The following ANK2 variants were observed in gnomAD, a reference collection of about 807,000 sequenced individuals.
ANK2 encodes ankyrin-2.
ANK2 carries 83 observed loss-of-function variants against 360.5 expected under a neutral mutation model. The ratio of observed to expected loss-of-function variants is 0.23; its 90% CI spans 0.19 to 0.28. ANK2 has a LOEUF of 0.28. ANK2 is among the 10% of genes least tolerant of loss of function. ANK2 has a pLI of 1.00. For synonymous variants in ANK2, 1,740 were observed against 1,759.5 expected, an observed-to-expected ratio of 0.99 and a Z score of 0.28; for missense variants, 4,201 against 4,795.7, an observed-to-expected ratio of 0.88 and a Z score of 3.66.
At chr4:113,228,623 C>T (rs2099253528) in intron 4 of ANK2, among the ~76,000 whole-genome samples, 1 of 151,958 alleles carries the variant, frequency 6.6e-6, no homozygotes, top group African/African-American at 2.4e-5. Context: ...ATTTTTGCAA[C>T]TGTGAATTGT....
intron 2 of ANK2, among the ~76,000 whole-genome samples, chr4:112,997,845 A>C (rs920814251): frequency 6.6e-6 from 1 of 151,430 alleles, no homozygotes; most frequent in African/African-American, 2.4e-5. Flanking sequence ...TGACATATAT[A>C]TATACACACA....
the ANK2 span, among the ~76,000 whole-genome samples, chr4:112,740,756 G>T: frequency 1.3e-5 from 2 of 151,736 alleles, no homozygotes; most frequent in African/African-American, 4.9e-5. Flanking sequence ...GCTTACGTCC[G>T]TAATCCCAGC....
chr4:112,840,513 G>A lies in ANK2; in HGVS notation c.-40+22249G>A, dbSNP rs112568771. ...GATTCTGGGTTAGGTTGGGAGTGCTGGATGCGGGGATAAGGGCCACAGGCT... is the reference window on the plus strand; with the variant it reads ...GATTCTGGGTTAGGTTGGGAGTGCTAGATGCGGGGATAAGGGCCACAGGCT... On this transcript the variant is annotated intron_variant, in intron 1 of 30. Transcript: ENST00000503271. 5.4e-3 allele frequency among the ~76,000 whole-genome samples: 821 copies of A among 152,274 alleles called. 5 individuals are homozygous for A. The highest frequency in any genetic ancestry group is 0.019 in the African/African-American group (773 of 41,552).
chr4:113,320,159 C>A (rs910742275), intron 26 of ANK2, among the ~76,000 whole-genome samples: 1 of 152,162 alleles, frequency 6.6e-6, no homozygotes, highest in African/African-American at 2.4e-5. Flanking sequence ...CAACTAGATA[C>A]ACCTATAAGT....
chr4:112,752,162 G>A, the ANK2 span, among the ~76,000 whole-genome samples: 3 of 152,302 alleles, frequency 2.0e-5, no homozygotes, highest in East Asian at 5.8e-4. Context: ...CACTGTGTTA[G>A]GAGGCTCACT....
At chr4:113,232,427 A>G (rs2099319576) in intron 5 of ANK2, among the ~76,000 whole-genome samples, 168 bp downstream of exon 5, 1 of 152,232 alleles carries the variant, frequency 6.6e-6, no homozygotes, top group Non-Finnish European at 1.5e-5. Flanking sequence ...GCTTGTGCAC[A>G]GAGTTCCATC....
intron 1 of ANK2, among the ~76,000 whole-genome samples, chr4:112,842,149 A>G (rs1294309221): frequency 6.6e-6 from 1 of 151,988 alleles, no homozygotes; most frequent in Non-Finnish European, 1.5e-5. Context: ...AGCTGGAATT[A>G]CAGGCGCCCA....
At chr4:113,220,963 A>G (rs1193413587) in intron 4 of ANK2, among the ~76,000 whole-genome samples, 3 of 152,270 alleles carry the variant, frequency 2.0e-5, no homozygotes, top group Non-Finnish European at 4.4e-5. Context: ...CACGAAGTGT[A>G]TAGGCTACAC....
intron 1 of ANK2, among the ~76,000 whole-genome samples, chr4:113,163,491 A>G (rs2097619677): frequency 6.6e-6 from 1 of 151,818 alleles, no homozygotes. Context: ...TTGGCCGGGC[A>G]CGGTGGCTCA....
In ANK2 at chr4:113,198,912, C is replaced by A. The variant is rs930041195; in HGVS notation, c.286-99C>A. ...ATCTTGATAAATAACAAATTTTAAT[C>A]GGTTAAAGTGATTAGTGAAGTTGAA... On this transcript the variant is annotated intron_variant, in intron 3 of 45. Transcript: ENST00000357077. 22 of 957,122 alleles carry A rather than the reference C, an allele frequency of 2.3e-5. No homozygotes were observed. The East Asian group carries it at 3.0e-4, about 13-fold the overall frequency. 59.3% of individuals were successfully genotyped at this position (957,122 alleles called of 1,614,324 possible). A position where few individuals can be genotyped will look rare whatever the true frequency, so the allele number is the denominator to read the frequency against.
intron 1 of ANK2, among the ~76,000 whole-genome samples, chr4:113,092,521 GA>G (rs1310322015): frequency 6.6e-6 from 1 of 152,228 alleles, no homozygotes; most frequent in Non-Finnish European, 1.5e-5. Context: ...ACTAATGTCT[GA>G]GAAGCATTGG....
Position 113,356,755 on chromosome 4 carries a change from G to T in ANK2, c.8137G>T (p.Val2713Phe), listed in dbSNP as rs774978146. ...SSPEEVQFQPVVSKQYTFKMN... is the reference protein window; with the variant it reads ...SSPEEVQFQPFVSKQYTFKMN... ...TCCAGAAGAAGTACAATTCCAGCCT[G>T]TCGTTTCCAAACAATATACTTTCAA... Residue 2713 changes from valine (V) to phenylalanine (F), a missense_variant, in exon 38 of 46, where the codon GTC becomes TTC. By Grantham distance (50) the Val-to-Phe change is conservative. Coordinates refer to ENST00000357077, the MANE Select transcript of ANK2 (RefSeq NM_001148.6). The T allele has an allele frequency of 8.7e-6, 14 of 1,614,106 alleles. No individual in the cohort carries two copies. The highest frequency in any genetic ancestry group is 1.1e-5 in the Non-Finnish European group (13 of 1,179,992).
chr4:113,282,998 C>A, intron 18 of ANK2, 126 bp downstream of exon 18: 1 of 1,067,548 alleles, frequency 9.4e-7, no homozygotes, highest in Non-Finnish European at 1.4e-6. Flanking sequence ...TTACAGACCC[C>A]AAGGACAGGA....
chr4:113,085,643 A>C (rs2084338004), intron 1 of ANK2, among the ~76,000 whole-genome samples: 3 of 152,110 alleles, frequency 2.0e-5, no homozygotes, highest in Non-Finnish European at 4.4e-5. Context: ...GACAGGTCAA[A>C]ACATGTTAAG....
intron 2 of ANK2, among the ~76,000 whole-genome samples, chr4:112,944,325 G>A (rs2094425165): frequency 1.3e-5 from 2 of 152,110 alleles, no homozygotes; most frequent in South Asian, 4.2e-4. Context: ...AATAAGCAGA[G>A]GAAGTGAATT....
At position 112,928,217 on chromosome 4, in the gene ANK2, T is replaced by C. The variant is rs548423334; in HGVS notation, c.21+23703T>C. ...ACTTCACATTAAAGTGGTTGCTTTA[T>C]TTTTTTGAACTCGCTTTGAAGTAAT... On this transcript the variant is annotated intron_variant, in intron 2 of 30. Transcript: ENST00000503271. 3.3e-5 allele frequency among the ~76,000 whole-genome samples: 5 copies of C among 152,236 alleles called. No individual in the cohort carries two copies. The South Asian group carries it at 8.3e-4, about 25-fold the overall frequency.
chr4:112,719,685 C>G, the ANK2 span, among the ~76,000 whole-genome samples: 3 of 147,176 alleles, frequency 2.0e-5, no homozygotes, highest in Admixed American at 6.9e-5. Context: ...CTGAGATCGC[C>G]GATTACACTC....
At chr4:113,237,471 C>A in intron 6 of ANK2, 128 bp from the exon 7 acceptor site, 1 of 942,518 alleles carries the variant, frequency 1.1e-6, no homozygotes, top group Non-Finnish European at 1.8e-6. Context: ...TTGGGGATGT[C>A]TTCTTCCAGT....
intron 2 of ANK2, among the ~76,000 whole-genome samples, chr4:113,180,553 A>C (rs375054029): frequency 6.6e-6 from 1 of 152,254 alleles, no homozygotes; most frequent in African/African-American, 2.4e-5. Context: ...AATTATGATT[A>C]GTAGCAATTT....
Sources: allele counts gnomAD v4.1 joint callset (sites outside exome capture counted in the v4.1 genomes callset), GRCh38; gene constraint gnomAD v4.1.1; transcripts MANE v1.5; gene names NCBI Gene and HGNC (gene_info 2026-07-23, HGNC 2026-07-21).